PTH2R: variants seen among roughly 807,000 people sequenced by gnomAD.
The protein encoded by PTH2R is PTH2 receptor.
In PTH2R, 59 loss-of-function variants were observed where a neutral mutation model predicts 60.3. That is an observed-to-expected ratio of 0.98 (90% CI 0.79 to 1.22). PTH2R has a LOEUF of 1.22. Ranked by LOEUF, PTH2R falls within the 50% of genes most tolerant of loss-of-function variation. The pLI is 0.00. For missense variants in PTH2R, 749 were observed against 682.6 expected (o/e 1.10, Z -1.08); for synonymous variants, 256 against 243.8 (o/e 1.05, Z -0.47).
chr2:208,378,515 G>A (rs1053953290), intron 1 of PTH2R, among the ~76,000 whole-genome samples: 9 of 152,070 alleles, frequency 5.9e-5, no homozygotes, highest in Non-Finnish European at 7.3e-5. Flanking sequence ...GTGGTATTAG[G>A]AAGTATGGAG....
intron 8 of PTH2R, among the ~76,000 whole-genome samples, chr2:208,458,843 T>A (rs1219215606): frequency 6.6e-6 from 1 of 152,180 alleles, no homozygotes; most frequent in Non-Finnish European, 1.5e-5. Context: ...CTTTATTCTG[T>A]CTGTCATTGA....
intron 2 of PTH2R, among the ~76,000 whole-genome samples, chr2:208,432,773 G>A (rs867341975): frequency 1.3e-5 from 2 of 152,290 alleles, no homozygotes; most frequent in Middle Eastern, 6.8e-3. Flanking sequence ...GGAGTCTGAT[G>A]TCCAAGGATA....
chr2:208,377,666 G>A (rs1469017936), intron 1 of PTH2R, among the ~76,000 whole-genome samples: 1 of 151,178 alleles, frequency 6.6e-6, no homozygotes, highest in Non-Finnish European at 1.5e-5. Context: ...CGGGGCAGCT[G>A]CCGGGCGGAG....
intron 2 of PTH2R, among the ~76,000 whole-genome samples, chr2:208,436,618 C>T (rs1702079829): frequency 6.6e-6 from 1 of 152,118 alleles, no homozygotes; most frequent in Admixed American, 6.5e-5. Context: ...ATCTCAACTG[C>T]TCATGACCTG....
chr2:208,370,432 G>A (rs13394289), intron 1 of PTH2R, among the ~76,000 whole-genome samples: 60,998 of 116,886 alleles, frequency 0.52, 15,604 homozygotes, highest in Middle Eastern at 0.65. Context: ...GACAGAACGA[G>A]ACTCCGTCTC....
intron 1 of PTH2R, among the ~76,000 whole-genome samples, chr2:208,395,483 G>A (rs1438029161): frequency 6.6e-6 from 1 of 152,214 alleles, no homozygotes; most frequent in Non-Finnish European, 1.5e-5. Flanking sequence ...CGGTGTGGTA[G>A]CAAGAAACCT....
chr2:208,410,942 T>C (rs562653943), intron 1 of PTH2R, among the ~76,000 whole-genome samples: 36 of 152,298 alleles, frequency 2.4e-4, no homozygotes, highest in Non-Finnish European at 3.7e-4. Flanking sequence ...AAACTATTAC[T>C]GATGGAGTTA....
At chr2:208,448,810 T>A (rs1702342260) in intron 7 of PTH2R, among the ~76,000 whole-genome samples, 1 of 151,906 alleles carries the variant, frequency 6.6e-6, no homozygotes, top group Non-Finnish European at 1.5e-5. Flanking sequence ...AGACTCGTGA[T>A]AAAAAATCCT....
intron 8 of PTH2R, among the ~76,000 whole-genome samples, chr2:208,458,609 C>A (rs529273713): frequency 6.6e-5 from 10 of 152,098 alleles, no homozygotes; most frequent in Admixed American, 2.0e-4. Context: ...TACCTTCCCC[C>A]CTCAAGTACA....
At chr2:208,414,547 G>A (rs73983778) in intron 1 of PTH2R, among the ~76,000 whole-genome samples, 2,825 of 151,734 alleles carry the variant, frequency 0.019, 76 homozygotes, top group African/African-American at 0.065. Flanking sequence ...AATGAGGATA[G>A]TGAATTTTTT....
chr2:208,467,035 C>G (rs1223129704), intron 9 of PTH2R, among the ~76,000 whole-genome samples: 1 of 151,816 alleles, frequency 6.6e-6, no homozygotes. Flanking sequence ...ACAATTTGTT[C>G]AACATTTCAG....
upstream of PTH2R, among the ~76,000 whole-genome samples, chr2:208,405,839 C>G (rs879151672): frequency 6.6e-6 from 1 of 152,052 alleles, no homozygotes; most frequent in Admixed American, 6.6e-5. Flanking sequence ...CAGAAAAATC[C>G]CTCATCCCTT....
chr2:208,400,498 C>T (rs1405359590), intron 1 of PTH2R, among the ~76,000 whole-genome samples: 1 of 152,096 alleles, frequency 6.6e-6, no homozygotes, highest in Non-Finnish European at 1.5e-5. Context: ...TTTCAGATGT[C>T]TAGTTTAACC....
At chr2:208,475,068 A>G (rs538024441) in intron 9 of PTH2R, among the ~76,000 whole-genome samples, 1 of 152,302 alleles carries the variant, frequency 6.6e-6, no homozygotes, top group East Asian at 1.9e-4. Context: ...TTGCTATTTG[A>G]TGAGAGTTAG....
At chr2:208,388,587 G>A (rs919479725) in intron 1 of PTH2R, among the ~76,000 whole-genome samples, 1 of 152,134 alleles carries the variant, frequency 6.6e-6, no homozygotes, top group Non-Finnish European at 1.5e-5. Flanking sequence ...AACCCCTGAA[G>A]CCTTCTATCT....
chr2:208,420,108 G>C (rs1035594014), intron 1 of PTH2R, among the ~76,000 whole-genome samples: 6 of 151,932 alleles, frequency 3.9e-5, no homozygotes, highest in Admixed American at 3.9e-4. Flanking sequence ...ACACAGGAAG[G>C]GGAACATCAC....
intron 9 of PTH2R, among the ~76,000 whole-genome samples, chr2:208,479,975 T>C (rs954708798): frequency 6.6e-5 from 10 of 152,158 alleles, no homozygotes; most frequent in African/African-American, 2.2e-4. Context: ...CAGCACAACT[T>C]TGATTTTCCC....
chr2:208,420,157 G>T (rs1701725366), intron 1 of PTH2R, among the ~76,000 whole-genome samples: 1 of 151,886 alleles, frequency 6.6e-6, no homozygotes, highest in Admixed American at 6.6e-5. Context: ...AGTGGGGAGG[G>T]ATAGCATTAG....
intron 10 of PTH2R, 86 bp downstream of exon 10, chr2:208,481,250 G>C: frequency 1.1e-6 from 1 of 873,486 alleles, no homozygotes; most frequent in Non-Finnish European, 1.7e-6. Context: ...ACAGGGTCTC[G>C]CTCTGTTGCC....
Sources: gnomAD v4.1 joint callset for allele counts (sites outside exome capture counted in the v4.1 genomes callset) on GRCh38, gnomAD v4.1.1 for gene constraint, MANE v1.5 for transcripts, NCBI Gene and HGNC (gene_info 2026-07-23, HGNC 2026-07-21) for gene names.